Variants in AGO3 observed in about 807,000 individuals in gnomAD.
The protein encoded by AGO3 is argonaute RISC catalytic component 3, also known as protein argonaute-3.
A neutral mutation model predicts 105.5 loss-of-function variants in AGO3; 16 were observed. The observed-to-expected ratio is 0.15, with a 90% CI of 0.10 to 0.23. The LOEUF is 0.23. Among genes scored for constraint, AGO3 ranks in the 10% least tolerant of loss-of-function variants. The probability of loss-of-function intolerance (pLI) is 1.00; values close to 1 mark genes in which losing one functional copy is unlikely to be tolerated. For missense variants in AGO3, 534 were observed against 1,088.0 expected (o/e 0.49, Z 7.16); for synonymous variants, 340 against 367.3 (o/e 0.93, Z 0.85).
intron 11 of AGO3, among the ~76,000 whole-genome samples, chr1:36,018,391 C>T (rs1236608779): frequency 6.6e-6 from 1 of 151,978 alleles, no homozygotes; most frequent in Non-Finnish European, 1.5e-5. Flanking sequence ...GGCCCTTCAT[C>T]TTCCCTCTAT....
intron 11 of AGO3, among the ~76,000 whole-genome samples, chr1:36,018,621 T>C (rs10443888): frequency 0.027 from 4,109 of 151,650 alleles, 63 homozygotes; most frequent in Middle Eastern, 0.18. Flanking sequence ...TTAGTAGAGA[T>C]GGGGTTTCAC....
intron 5 of AGO3, among the ~76,000 whole-genome samples, chr1:35,994,484 C>T (rs1283570585): frequency 1.3e-5 from 2 of 152,130 alleles, no homozygotes; most frequent in African/African-American, 4.8e-5. Flanking sequence ...AAGAACAAGG[C>T]AAGGATGCTT....
At chr1:36,023,262 G>A (rs1569837907) in intron 11 of AGO3, among the ~76,000 whole-genome samples, 1 of 152,232 alleles carries the variant, frequency 6.6e-6, no homozygotes, top group African/African-American at 2.4e-5. Context: ...CCCAGTTGCT[G>A]CAAGAGAGGA....
chr1:36,019,590 T>A (rs1641105071), intron 11 of AGO3, among the ~76,000 whole-genome samples: 1 of 152,196 alleles, frequency 6.6e-6, no homozygotes, highest in African/African-American at 2.4e-5. Flanking sequence ...CCAGAAAATA[T>A]GCACTGAAAA....
At chr1:35,966,006 G>A (rs1646768250) in intron 2 of AGO3, among the ~76,000 whole-genome samples, 1 of 151,916 alleles carries the variant, frequency 6.6e-6, no homozygotes, top group Non-Finnish European at 1.5e-5. Context: ...TGAATTTTTA[G>A]TAGAGACAGG....
intron 5 of AGO3, among the ~76,000 whole-genome samples, chr1:35,976,951 A>G (rs1646966079): frequency 6.6e-6 from 1 of 151,974 alleles, no homozygotes; most frequent in Non-Finnish European, 1.5e-5. Flanking sequence ...CTCTTGTATG[A>G]TTTCGTAGAA....
chr1:36,035,809 G>A (rs772060468), intron 13 of AGO3, among the ~76,000 whole-genome samples: 44 of 152,088 alleles, frequency 2.9e-4, no homozygotes, highest in Non-Finnish European at 5.6e-4. Context: ...AAGGCAGGTG[G>A]ATCACAGGGT....
intron 1 of AGO3, among the ~76,000 whole-genome samples, chr1:35,939,105 G>T (rs765392783): frequency 6.6e-6 from 1 of 152,110 alleles, no homozygotes. Context: ...ACTCTAGTGG[G>T]CAGTATGTAT....
At chr1:35,968,228 G>A (rs1646808426) in intron 3 of AGO3, among the ~76,000 whole-genome samples, 1 of 152,106 alleles carries the variant, frequency 6.6e-6, no homozygotes, top group African/African-American at 2.4e-5. Flanking sequence ...TTTCCTCCTT[G>A]TAGTTAATAA....
intron 11 of AGO3, among the ~76,000 whole-genome samples, chr1:36,015,139 T>A (rs1365799105): frequency 6.6e-6 from 1 of 152,200 alleles, no homozygotes; most frequent in Non-Finnish European, 1.5e-5. Context: ...TCCAGGCCTC[T>A]GGTCATGGGT....
intron 13 of AGO3, 134 bp downstream of exon 13, chr1:36,034,467 T>C (rs867927226): frequency 1.7e-6 from 1 of 594,878 alleles, no homozygotes; most frequent in Non-Finnish European, 2.4e-6. Flanking sequence ...TTCGTAGACA[T>C]TTTGGTAAAA....
chr1:35,967,555 C>T (rs1184728270), intron 3 of AGO3, among the ~76,000 whole-genome samples: 1 of 151,948 alleles, frequency 6.6e-6, no homozygotes, highest in African/African-American at 2.4e-5. Context: ...GCTGGGATTA[C>T]AGGCACGTGC....
Position 36,004,429 on chromosome 1 carries a change from A to G in AGO3, c.747A>G (p.Arg249=). The G allele has an allele frequency of 6.2e-7, 1 of 1,606,968 alleles. No individual in the cohort carries two copies. Among genetic ancestry groups the G allele is most frequent in the Non-Finnish European group, 8.5e-7 (1 of 1,175,372 alleles). The part of the protein sequence containing the change: ...LDIHNIDEQP[R]PLTDSHRVKF... ...TTCATAATATTGATGAGCAACCAAG[A>G]CCTCTGACTGATTCTCATCGGGTAA... is the stretch of plus-strand genomic sequence containing the variant. The change falls in exon 6 of 19, where the codon AGA becomes AGG. Residue 249 remains arginine, a synonymous_variant. Transcript: ENST00000373191.
chr1:36,028,929 C>T (rs1641640477), intron 12 of AGO3, among the ~76,000 whole-genome samples: 1 of 152,150 alleles, frequency 6.6e-6, no homozygotes, highest in Non-Finnish European at 1.5e-5. Flanking sequence ...AATCCTTAAA[C>T]CTTGGGCTCC....
chr1:35,931,903 G>A (rs1463710393), intron 1 of AGO3, among the ~76,000 whole-genome samples: 2 of 152,198 alleles, frequency 1.3e-5, no homozygotes, highest in African/African-American at 2.4e-5. Flanking sequence ...TTGGTGCAAC[G>A]TTAAATTCAA....
intron 2 of AGO3, among the ~76,000 whole-genome samples, chr1:35,954,502 A>G (rs1646530039): frequency 6.6e-6 from 1 of 152,184 alleles, no homozygotes; most frequent in Non-Finnish European, 1.5e-5. Flanking sequence ...GTTAACTTAA[A>G]TCTATTTAAA....
At chr1:35,974,188 C>T (rs2148776757) in intron 5 of AGO3, among the ~76,000 whole-genome samples, 1 of 152,230 alleles carries the variant, frequency 6.6e-6, no homozygotes, top group Middle Eastern at 3.4e-3. Flanking sequence ...AAATTATAAA[C>T]AAGCATTTAT....
chr1:36,053,242 T>A (rs1260144739), intron 17 of AGO3, among the ~76,000 whole-genome samples: 1 of 151,756 alleles, frequency 6.6e-6, no homozygotes, highest in Non-Finnish European at 1.5e-5. Context: ...AGGGAACAGT[T>A]TTCCTTTTTT....
intron 5 of AGO3, among the ~76,000 whole-genome samples, chr1:35,998,518 C>A (rs74363409): frequency 6.6e-6 from 1 of 151,964 alleles, no homozygotes; most frequent in African/African-American, 2.4e-5. Flanking sequence ...GTTTATATTC[C>A]TACAGTCTGA....
Sources: allele counts gnomAD v4.1 joint callset (sites outside exome capture counted in the v4.1 genomes callset), GRCh38; gene constraint gnomAD v4.1.1; transcripts MANE v1.5; gene names NCBI Gene and HGNC (gene_info 2026-07-23, HGNC 2026-07-21).